Variants in PPP3R1 observed in about 807,000 individuals in gnomAD.
The protein encoded by PPP3R1 is protein phosphatase 3 regulatory subunit B, alpha, also known as calcineurin subunit B type 1.
In PPP3R1, 5 loss-of-function variants were observed where a neutral mutation model predicts 22.6. The observed-to-expected ratio is 0.22, with a 90% confidence interval of 0.12 to 0.46. PPP3R1 has a LOEUF of 0.46. Among genes scored for constraint, PPP3R1 ranks in the 20% least tolerant of loss-of-function variants. The probability of loss-of-function intolerance (pLI) is 0.99; values close to 1 mark genes in which losing one functional copy is unlikely to be tolerated. For missense variants in PPP3R1, 61 were observed against 203.2 expected, an observed-to-expected ratio of 0.30 and a Z score of 4.25; for synonymous variants, 56 against 65.2, an observed-to-expected ratio of 0.86 and a Z score of 0.68.
chr2:68,198,977 T>A (rs1674899136), intron 2 of PPP3R1, among the ~76,000 whole-genome samples: 1 of 147,018 alleles, frequency 6.8e-6, no homozygotes, highest in Non-Finnish European at 1.5e-5. Context: ...TATTATTATT[T>A]TTTTAAGATG....
chr2:68,221,790 T>G (rs1669692639), intron 1 of PPP3R1, among the ~76,000 whole-genome samples: 1 of 151,838 alleles, frequency 6.6e-6, no homozygotes, highest in Non-Finnish European at 1.5e-5. Flanking sequence ...CTACAGCATA[T>G]TTCTCCTTAG....
chr2:68,213,092 C>T (rs1669515840), intron 2 of PPP3R1, among the ~76,000 whole-genome samples: 1 of 152,148 alleles, frequency 6.6e-6, no homozygotes, highest in Non-Finnish European at 1.5e-5. Flanking sequence ...TAAAAATTTA[C>T]CCATATAAGC....
intron 2 of PPP3R1, among the ~76,000 whole-genome samples, chr2:68,213,768 C>T (rs1313242960): frequency 1.3e-5 from 2 of 152,152 alleles, no homozygotes; most frequent in Non-Finnish European, 2.9e-5. Flanking sequence ...AAACAATTTA[C>T]AAATTCAATG....
intron 1 of PPP3R1, among the ~76,000 whole-genome samples, chr2:68,246,576 T>C (rs974852377): frequency 1.3e-5 from 2 of 152,134 alleles, no homozygotes; most frequent in African/African-American, 4.8e-5. Flanking sequence ...CATCTTTAAG[T>C]TCTCTTTCTT....
chr2:68,202,826 G>T (rs1380181932), intron 2 of PPP3R1, among the ~76,000 whole-genome samples: 2 of 94,112 alleles, frequency 2.1e-5, no homozygotes, highest in African/African-American at 6.4e-5. Context: ...TTTTTGAGAC[G>T]GAGTCTCGCT....
intron 1 of PPP3R1, among the ~76,000 whole-genome samples, chr2:68,247,799 G>A (rs1052154369): frequency 6.6e-5 from 10 of 152,054 alleles, no homozygotes; most frequent in African/African-American, 1.7e-4. Context: ...TTCTTCTACC[G>A]CCTAAATGTA....
chr2:68,234,203 C>A (rs1295754387), intron 1 of PPP3R1, among the ~76,000 whole-genome samples: 1 of 152,092 alleles, frequency 6.6e-6, no homozygotes, highest in Admixed American at 6.5e-5. Flanking sequence ...ATTAGTCGGG[C>A]ATGGTGGTAG....
chr2:68,228,742 G>C (rs1269775137), intron 1 of PPP3R1, among the ~76,000 whole-genome samples: 1 of 151,614 alleles, frequency 6.6e-6, no homozygotes, highest in Non-Finnish European at 1.5e-5. Flanking sequence ...ATTGATTTGA[G>C]GGGGCTTTTC....
chr2:68,216,884 T>C (rs1669589000), intron 2 of PPP3R1, among the ~76,000 whole-genome samples: 1 of 152,016 alleles, frequency 6.6e-6, no homozygotes, highest in African/African-American at 2.4e-5. Flanking sequence ...AATAAAGAAG[T>C]CTATTTAAAA....
At chr2:68,194,032 C>T (rs901093876) in intron 2 of PPP3R1, among the ~76,000 whole-genome samples, 15 of 152,038 alleles carry the variant, frequency 9.9e-5, no homozygotes, top group Non-Finnish European at 1.6e-4. Context: ...CAGGTTGAAA[C>T]TCATGTTATT....
At chr2:68,222,060 G>A (rs901137457) in intron 1 of PPP3R1, among the ~76,000 whole-genome samples, 5 of 151,986 alleles carry the variant, frequency 3.3e-5, no homozygotes, top group South Asian at 2.1e-4. Context: ...ATCAGAAATG[G>A]TAAATAAAAT....
chr2:68,229,780 T>C (rs1281465338), intron 1 of PPP3R1, among the ~76,000 whole-genome samples: 2 of 150,558 alleles, frequency 1.3e-5, no homozygotes. Flanking sequence ...CCTATATTGT[T>C]ACATTTAAAG....
chr2:68,220,260 A>C (rs181211064), intron 1 of PPP3R1, among the ~76,000 whole-genome samples: 1 of 152,318 alleles, frequency 6.6e-6, no homozygotes, highest in Admixed American at 6.5e-5. Context: ...AGGAGGTGAG[A>C]CTTGTGAGGA....
At chr2:68,247,816 G>A (rs1381442478) in intron 1 of PPP3R1, among the ~76,000 whole-genome samples, 6 of 152,112 alleles carry the variant, frequency 3.9e-5, no homozygotes, top group Non-Finnish European at 8.8e-5. Context: ...TGTATCTCCT[G>A]TAGGATCCCT....
At chr2:68,245,427 A>G (rs1437316582) in intron 1 of PPP3R1, among the ~76,000 whole-genome samples, 3 of 152,254 alleles carry the variant, frequency 2.0e-5, no homozygotes, top group African/African-American at 7.2e-5. Flanking sequence ...AAATAATTAC[A>G]GTATAATGTC....
intron 3 of PPP3R1, 58 bp from the exon 4 acceptor site, chr2:68,187,372 C>G: frequency 1.5e-6 from 2 of 1,378,108 alleles, no homozygotes. Context: ...ACACAAAAAA[C>G]ATATTTACCT....
chr2:68,186,180 A>C (rs914455452), intron 5 of PPP3R1, among the ~76,000 whole-genome samples: 1 of 152,226 alleles, frequency 6.6e-6, no homozygotes, highest in African/African-American at 2.4e-5. Flanking sequence ...AGAGAAGCTA[A>C]GTGGTTGTGG....
intron 2 of PPP3R1, among the ~76,000 whole-genome samples, chr2:68,193,191 T>C (rs1011826182): frequency 2.0e-5 from 3 of 152,164 alleles, no homozygotes; most frequent in East Asian, 3.8e-4. Flanking sequence ...ACATTTTACC[T>C]TGACAATAAA....
At chr2:68,203,115 A>C (rs1277698357) in intron 2 of PPP3R1, among the ~76,000 whole-genome samples, 2 of 152,242 alleles carry the variant, frequency 1.3e-5, no homozygotes, top group African/African-American at 2.4e-5. Flanking sequence ...CAAGCAAAGC[A>C]TAAGTAATTC....
Sources: gnomAD v4.1 joint callset for allele counts (sites outside exome capture counted in the v4.1 genomes callset) on GRCh38, gnomAD v4.1.1 for gene constraint, MANE v1.5 for transcripts, NCBI Gene and HGNC (gene_info 2026-07-23, HGNC 2026-07-21) for gene names.